Variants in CPXM2 observed in about 807,000 individuals in gnomAD.
CPXM2 encodes the protein inactive carboxypeptidase-like protein X2.
In CPXM2, 66 loss-of-function variants were observed where a neutral mutation model predicts 86.1. The observed-to-expected ratio is 0.77, with a 90% CI of 0.63 to 0.94. The LOEUF is 0.94. Ranked by LOEUF, CPXM2 falls within the 40% of genes least tolerant of loss-of-function variation. The pLI, the probability that CPXM2 is intolerant of heterozygous loss-of-function variation, is 0.00. For synonymous variants in CPXM2, 388 were observed against 400.2 expected (o/e 0.97, Z 0.36); for missense variants, 948 against 1,026.3 (o/e 0.92, Z 1.04).
intron 1 of CPXM2, among the ~76,000 whole-genome samples, chr10:123,881,755 GGT>G (rs1945097411): frequency 6.6e-6 from 1 of 152,192 alleles, no homozygotes; most frequent in African/African-American, 2.4e-5. Flanking sequence ...AGAAGACCTG[GGT>G]GGGGCACTGG....
In CPXM2 at chr10:123,835,042, A is replaced by G. The variant is rs187280678; in HGVS notation, c.653+7307T>C. On this transcript the variant is annotated intron_variant, in intron 4 of 13. Transcript: ENST00000241305. ...TTCTTGCACAACTGCTGAATCATGC[A>G]CCAAATAAACCTCTTTTCTTTATAA... Among the ~76,000 whole-genome samples the G allele has an allele frequency of 1.5e-3, 230 of 152,328 alleles. 2 individuals are homozygous for G. The highest frequency in any genetic ancestry group is 0.014 in the Middle Eastern group (4 of 294).
intron 2 of CPXM2, among the ~76,000 whole-genome samples, chr10:123,870,928 C>T (rs1944884476): frequency 6.6e-6 from 1 of 152,194 alleles, no homozygotes. Context: ...TCCCTGCAAA[C>T]CTGGCTGGGG....
At chr10:123,917,243 A>T (rs941403070) in intron 2 of CPXM2, among the ~76,000 whole-genome samples, 6 of 152,254 alleles carry the variant, frequency 3.9e-5, no homozygotes, top group African/African-American at 1.4e-4. Context: ...AAGATCCTTT[A>T]TTCCATTTCT....
intron 6 of CPXM2, 40 bp from the exon 7 acceptor site, chr10:123,780,295 T>C: frequency 8.2e-7 from 1 of 1,221,300 alleles, no homozygotes; most frequent in Non-Finnish European, 1.2e-6. Context: ...CTCCCATCAT[T>C]CTATCTCCCA....
intron 2 of CPXM2, among the ~76,000 whole-genome samples, chr10:123,919,938 C>T (rs928278136): frequency 3.9e-5 from 6 of 152,120 alleles, no homozygotes; most frequent in Non-Finnish European, 8.8e-5. Context: ...CTCTTTTTAA[C>T]AATCAGATCT....
At position 123,907,216 on chromosome 10, in the gene CPXM2, A is replaced by G. The variant is rs149878700; in HGVS notation, n.175-26907T>C. ...AACACGATTTGCTAGTGTAATTAAC[A>G]TTCAGGCTGAAACTGGAGAAGGCAG... On this transcript the variant is annotated intron_variant and non_coding_transcript_variant, in intron 2 of 19. Coordinates refer to the CPXM2 transcript ENST00000368854. Among the ~76,000 whole-genome samples, 11 of 152,332 alleles carry G rather than the reference A, an allele frequency of 7.2e-5. No homozygotes were observed. The East Asian group carries it at 2.1e-3, about 29-fold the overall frequency.
Position 123,754,833 on chromosome 10 carries a change from G to A in CPXM2, c.1918-71C>T. 2 of 856,480 alleles carry A rather than the reference G, an allele frequency of 2.3e-6. No individual in the cohort carries two copies. The highest frequency in any genetic ancestry group is 2.0e-6 in the Non-Finnish European group (1 of 495,850). The allele number at this position is 856,480 out of a possible 1,614,324, so 53.1% of individuals were successfully genotyped here. ...TGGACACAACCGGCACAACAGAGTGGGCTGTCAACCCACCATTGGCCGGTT... is the reference window on the plus strand; with the variant it reads ...TGGACACAACCGGCACAACAGAGTGAGCTGTCAACCCACCATTGGCCGGTT... On this transcript the variant is annotated intron_variant, in intron 12 of 13. Transcript: ENST00000241305. This position sits in a 1 kb window ranked among gnomAD's most constrained non-coding sequence, Gnocchi z 4.0.
At chr10:123,798,325 A>T (rs895920836) in intron 5 of CPXM2, among the ~76,000 whole-genome samples, 199 bp from the exon 6 acceptor site, 1 of 151,812 alleles carries the variant, frequency 6.6e-6, no homozygotes, top group Non-Finnish European at 1.5e-5. Flanking sequence ...GTTGGTATGC[A>T]GGGAGTGGGG....
chr10:123,811,026 G>A (rs187399162), intron 4 of CPXM2, among the ~76,000 whole-genome samples: 139 of 151,916 alleles, frequency 9.1e-4, no homozygotes, highest in Non-Finnish European at 1.6e-3. Context: ...CTAGCATATC[G>A]ATTTTAAATA....
chr10:123,770,884 G>A, intron 8 of CPXM2, 32 bp downstream of exon 8: 1 of 1,592,162 alleles, frequency 6.3e-7, no homozygotes. Flanking sequence ...CAAAGATGAA[G>A]GGGCCAAGCA....
chr10:123,867,527 CTT>C lies in CPXM2; in HGVS notation c.404-4806_404-4805del, dbSNP rs34482126. Among the ~76,000 whole-genome samples the C allele has an allele frequency of 6.0e-3, 558 of 92,888 alleles. 8 individuals are homozygous for C. The East Asian group carries it at 0.094, about 16-fold the overall frequency. The allele number at this position is 92,888 out of a possible 152,430, so 60.9% of individuals were successfully genotyped here. Reference sequence around the variant, plus strand: ...AGAGCGTCATCCTAGAGATTTCTTTCTTTTTTTTTTTTTTTTTTTTTTTGAGA... The same window carrying C: ...AGAGCGTCATCCTAGAGATTTCTTTCTTTTTTTTTTTTTTTTTTTTTGAGA... On this transcript the variant is annotated intron_variant, in intron 2 of 13. Transcript: ENST00000241305.
At chr10:123,795,787 C>A (rs889003880) in intron 6 of CPXM2, among the ~76,000 whole-genome samples, 3 of 152,132 alleles carry the variant, frequency 2.0e-5, no homozygotes, top group Non-Finnish European at 4.4e-5. Context: ...CACAGTGTAA[C>A]CCTGACTTTG....
intron 4 of CPXM2, among the ~76,000 whole-genome samples, chr10:123,826,818 C>T (rs1848057027): frequency 6.6e-6 from 1 of 151,892 alleles, no homozygotes; most frequent in Non-Finnish European, 1.5e-5. Flanking sequence ...TCAAGTCAGA[C>T]AAATAATGGT....
Position 123,925,792 on chromosome 10 carries a change from AC to A in CPXM2, n.174+13684del, listed in dbSNP as rs1487372327. 3.3e-5 allele frequency among the ~76,000 whole-genome samples: 5 copies of A among 152,326 alleles called. No homozygotes were observed. In the East Asian group the frequency reaches 9.6e-4, roughly 29 times the overall value. On this transcript the variant is annotated intron_variant and non_coding_transcript_variant, in intron 2 of 19. Transcript: ENST00000368854. The stretch of plus-strand genomic sequence containing the variant: ...TTCATTCCACAAATATTTAGTGACA[AC>A]CTACTAAGTGTCAAGGCTCTGTTCT...
intron 7 of CPXM2, among the ~76,000 whole-genome samples, chr10:123,777,933 A>G (rs959512668): frequency 6.6e-6 from 1 of 152,228 alleles, no homozygotes; most frequent in African/African-American, 2.4e-5. Flanking sequence ...TAAACCAGCA[A>G]TTAAGCAAGT....
At chr10:123,822,348 C>G (rs967891545) in intron 4 of CPXM2, among the ~76,000 whole-genome samples, 1 of 152,170 alleles carries the variant, frequency 6.6e-6, no homozygotes, top group Non-Finnish European at 1.5e-5. Flanking sequence ...CTTGTCAATA[C>G]CAGGTAGAGG....
intron 2 of CPXM2, among the ~76,000 whole-genome samples, chr10:123,922,307 G>A (rs575598813): frequency 3.3e-5 from 5 of 152,294 alleles, no homozygotes; most frequent in African/African-American, 1.2e-4. Context: ...GTGAGTTCTG[G>A]CATCTTAACC....
intron 10 of CPXM2, among the ~76,000 whole-genome samples, chr10:123,765,079 G>C (rs1446384269): frequency 6.6e-6 from 1 of 152,042 alleles, no homozygotes; most frequent in Non-Finnish European, 1.5e-5. Flanking sequence ...TTAATTGTAT[G>C]GTGGTGAGAC....
chr10:123,756,433 C>T (rs572309844), intron 12 of CPXM2, among the ~76,000 whole-genome samples: 9 of 152,218 alleles, frequency 5.9e-5, no homozygotes, highest in African/African-American at 1.4e-4. Flanking sequence ...AGGTTCTCAG[C>T]GGAGGCAGCA....
Sources: gnomAD v4.1 joint callset for allele counts (sites outside exome capture counted in the v4.1 genomes callset) on GRCh38, gnomAD v4.1.1 for gene constraint, Gnocchi (gnomAD v3.1) non-coding constraint, MANE v1.5 for transcripts, NCBI Gene and HGNC (gene_info 2026-07-23, HGNC 2026-07-21) for gene names.